The following DGCR2 variants were observed in gnomAD, a reference collection of about 807,000 sequenced individuals.
The protein encoded by DGCR2 is DiGeorge syndrome critical region gene 2, also known as integral membrane protein DGCR2/IDD.
A neutral mutation model predicts 51.6 loss-of-function variants in DGCR2; 24 were observed. The observed-to-expected ratio is 0.47, with a 90% CI of 0.34 to 0.65. The LOEUF (loss-of-function observed/expected upper bound fraction) is 0.65. DGCR2 is among the 30% of genes least tolerant of loss of function. The probability of loss-of-function intolerance (pLI) is 0.01; values close to 1 mark genes in which losing one functional copy is unlikely to be tolerated. For missense variants in DGCR2, 765 were observed against 772.1 expected (o/e 0.99, Z 0.11); for synonymous variants, 340 against 315.4 (o/e 1.08, Z -0.82).
At chr22:19,089,979 A>G (rs914196843) in intron 1 of DGCR2, among the ~76,000 whole-genome samples, 2 of 152,260 alleles carry the variant, frequency 1.3e-5, no homozygotes, top group African/African-American at 4.8e-5. Context: ...GAGTAGCTGC[A>G]GAAAAGACTA....
chr22:19,052,414 T>TCTCA (rs1555901812), intron 6 of DGCR2, among the ~76,000 whole-genome samples: 2 of 148,666 alleles, frequency 1.3e-5, no homozygotes, highest in East Asian at 2.0e-4. Context: ...AGACTCTGTC[T>TCTCA]CACACACACA....
chr22:19,038,730 C>T lies in DGCR2; in HGVS notation c.*135G>A, dbSNP rs2082397459. 2 of 1,237,314 alleles carry T rather than the reference C, an allele frequency of 1.6e-6. No homozygotes were observed. The highest frequency in any genetic ancestry group is 2.3e-6 in the Non-Finnish European group (2 of 886,036). 76.6% of individuals were successfully genotyped at this position (1,237,314 alleles called of 1,614,324 possible). A position where few individuals can be genotyped will look rare whatever the true frequency, so the allele number is the denominator to read the frequency against. On this transcript the variant is annotated 3_prime_UTR_variant, in exon 10 of 10. Coordinates refer to ENST00000263196, the MANE Select transcript of DGCR2 (RefSeq NM_005137.3). Reference sequence around the variant, plus strand: ...AGGCGGGCTGTGGTCTCTATGTACACACGCGAGCCCGCCAGTGACGTGCGG... The same window carrying T: ...AGGCGGGCTGTGGTCTCTATGTACATACGCGAGCCCGCCAGTGACGTGCGG...
chr22:19,105,562 G>T (rs941314104), intron 1 of DGCR2, among the ~76,000 whole-genome samples: 1 of 152,204 alleles, frequency 6.6e-6, no homozygotes, highest in Non-Finnish European at 1.5e-5. Context: ...AGTGGGGAAG[G>T]GAGCGATGCA....
rs1410891706 is a variant in DGCR2 at position 19,036,819 on chromosome 22, ACC to A, written c.*2044_*2045del. 6.6e-6 allele frequency: 1 copy of A among 152,072 alleles called. No individual in the cohort carries two copies. Among genetic ancestry groups the A allele is most frequent in the East Asian group, 1.9e-4 (1 of 5,198 alleles). The allele number at this position is 152,072 out of a possible 1,614,324, so 9.4% of individuals were successfully genotyped here. On this transcript the variant is annotated 3_prime_UTR_variant, in exon 10 of 10. Transcript: ENST00000263196. ...CTCTGCAGCCTGCATGGTCCACTTT[ACC>A]CCGTTTCCTCACTGCCCCCTACGTG...
At chr22:19,095,660 CAAAA>C (rs560020507) in intron 1 of DGCR2, among the ~76,000 whole-genome samples, 1 of 65,244 alleles carries the variant, frequency 1.5e-5, no homozygotes, top group Non-Finnish European at 3.2e-5. Flanking sequence ...GACTCCGTCT[CAAAA>C]AAAAAAAAAA....
intron 2 of DGCR2, among the ~76,000 whole-genome samples, chr22:19,076,723 C>CTTTTTTTTTTTTTTTTTT (rs1228247995): frequency 8.4e-6 from 1 of 118,762 alleles, no homozygotes; most frequent in Non-Finnish European, 1.8e-5. Flanking sequence ...GTCCTTTGCA[C>CTTTTTTTTTTTTTTTTTT]ATTTTTTTTT....
At position 19,038,779 on chromosome 22, in the gene DGCR2, A is replaced by AC; in HGVS notation, c.*85dup. On this transcript the variant is annotated 3_prime_UTR_variant, in exon 10 of 10. Coordinates refer to ENST00000263196, the MANE Select transcript of DGCR2 (RefSeq NM_005137.3). ...GGCAGTGCGTGGCGTCCAGGCTGGG[A>AC]CAGGGGCCTTTCAAGTCTCCCCAGG... The AC allele has an allele frequency of 6.5e-7, 1 of 1,540,506 alleles. No individual in the cohort carries two copies. Among genetic ancestry groups the AC allele is most frequent in the Non-Finnish European group, 8.8e-7 (1 of 1,134,176 alleles).
intron 8 of DGCR2, chr22:19,041,577 C>G (rs1324220978): frequency 1.6e-6 from 1 of 610,406 alleles, no homozygotes; most frequent in Non-Finnish European, 2.9e-6. Flanking sequence ...GTGATCCGGG[C>G]CTCTGACCCT....
chr22:19,093,693 C>T (rs1028108853), intron 1 of DGCR2, among the ~76,000 whole-genome samples: 1 of 152,156 alleles, frequency 6.6e-6, no homozygotes, highest in African/African-American at 2.4e-5. Flanking sequence ...AAGAAAACAA[C>T]CCAATTTTTT....
At position 19,121,781 on chromosome 22, in the gene DGCR2, C is replaced by G. The variant is rs1377833570; in HGVS notation, c.79+347G>C. 3 of 182,094 alleles carry G rather than the reference C, an allele frequency of 1.6e-5. No individual in the cohort carries two copies. In the East Asian group the frequency reaches 4.4e-4, roughly 27 times the overall value. The allele number at this position is 182,094 out of a possible 1,614,324, so 11.3% of individuals were successfully genotyped here. On this transcript the variant is annotated intron_variant, in intron 1 of 9. Transcript: ENST00000263196. ...CACTAGGCCACTGCTGGGAGGACGT[C>G]TGTGAAACCAGGTGCCCCTGAGAGC...
At chr22:19,102,994 G>A (rs1369417061) in intron 1 of DGCR2, among the ~76,000 whole-genome samples, 1 of 152,162 alleles carries the variant, frequency 6.6e-6, no homozygotes, top group Non-Finnish European at 1.5e-5. Context: ...CTTGACAACA[G>A]AGTGAGACCC....
Position 19,050,172 on chromosome 22 carries a change from T to C in DGCR2, c.803-1529A>G, listed in dbSNP as rs117003092. ...GGATAAATGCAAAGGAGCCACAAAC[T>C]GACACATCAGAGTGAAAATGCTGAA... On this transcript the variant is annotated intron_variant, in intron 6 of 9. Transcript: ENST00000263196. Among the ~76,000 whole-genome samples the C allele has an allele frequency of 9.8e-3, 1,499 of 152,212 alleles. 25 individuals carry two copies. The highest frequency in any genetic ancestry group is 0.062 in the South Asian group (301 of 4,820).
rs1049024386 is a variant in DGCR2 at position 19,057,875 on chromosome 22, C to G, written c.626-713G>C. ...TTGCAAGGTTCCAGGTGGGCTCTGG[C>G]CATGCCCAGGGCATGGCACAGCCAG... On this transcript the variant is annotated intron_variant, in intron 5 of 9. Transcript: ENST00000263196. The surrounding 1 kb of genome is among the most constrained non-coding windows in gnomAD (Gnocchi z 5.1). Among the ~76,000 whole-genome samples the G allele has an allele frequency of 1.3e-5, 2 of 152,132 alleles. No individual in the cohort carries two copies. The highest frequency in any genetic ancestry group is 2.4e-5 in the African/African-American group (1 of 41,442).
chr22:19,072,262 G>T (rs2082823650), intron 2 of DGCR2, among the ~76,000 whole-genome samples: 1 of 152,118 alleles, frequency 6.6e-6, no homozygotes. Flanking sequence ...GCTCCAGGCA[G>T]ATAGGAAATG....
At chr22:19,118,037 A>G (rs2083391659) in intron 1 of DGCR2, among the ~76,000 whole-genome samples, 1 of 152,136 alleles carries the variant, frequency 6.6e-6, no homozygotes, top group African/African-American at 2.4e-5. Flanking sequence ...CTCTCTCCCT[A>G]TGCACCAAAC....
At chr22:19,105,671 C>A (rs1337597151) in intron 1 of DGCR2, among the ~76,000 whole-genome samples, 3 of 149,508 alleles carry the variant, frequency 2.0e-5, no homozygotes, top group Non-Finnish European at 4.4e-5. Context: ...ACGCGGCTGG[C>A]GATGGAGGAG....
chr22:19,089,767 G>A (rs1371610529), intron 1 of DGCR2, among the ~76,000 whole-genome samples: 1 of 152,220 alleles, frequency 6.6e-6, no homozygotes, highest in Non-Finnish European at 1.5e-5. Context: ...TTTTAGTAGA[G>A]ACGGGGTTTT....
chr22:19,062,620 G>T (rs901563576), intron 5 of DGCR2, among the ~76,000 whole-genome samples: 1 of 152,114 alleles, frequency 6.6e-6, no homozygotes, highest in Non-Finnish European at 1.5e-5. Flanking sequence ...GTATGTCCAG[G>T]AGGAGCTCGC....
At chr22:19,076,964 T>C (rs1346766800) in intron 2 of DGCR2, among the ~76,000 whole-genome samples, 2 of 152,048 alleles carry the variant, frequency 1.3e-5, no homozygotes, top group African/African-American at 2.4e-5. Flanking sequence ...TCTCCTGACC[T>C]TGTGATCCGC....
Sources: gnomAD v4.1 joint callset for allele counts (sites outside exome capture counted in the v4.1 genomes callset) on GRCh38, gnomAD v4.1.1 for gene constraint, Gnocchi (gnomAD v3.1) non-coding constraint, MANE v1.5 for transcripts, NCBI Gene and HGNC (gene_info 2026-07-23, HGNC 2026-07-21) for gene names.